The following RIF1 variants were observed in gnomAD, a reference collection of about 807,000 sequenced individuals.
The protein encoded by RIF1 is replication timing regulatory factor 1.
RIF1 carries 45 observed loss-of-function variants against 247.1 expected under a neutral mutation model. That is an observed-to-expected ratio of 0.18 (90% CI 0.14 to 0.23). The LOEUF (loss-of-function observed/expected upper bound fraction) is 0.23, where lower values mean the gene tolerates loss of function less well. RIF1 is among the 10% of genes least tolerant of loss of function. The pLI, the probability that RIF1 is intolerant of heterozygous loss-of-function variation, is 1.00. For missense variants in RIF1, 2,967 were observed against 2,862.5 expected, an observed-to-expected ratio of 1.04 and a Z score of -0.83; for synonymous variants, 1,087 against 978.8, an observed-to-expected ratio of 1.11 and a Z score of -2.06.
At chr2:151,508,140 T>TAAAC (rs759205280), downstream of RIF1, 44 of 1,490,578 alleles carry the variant, frequency 3.0e-5, no homozygotes, top group East Asian at 9.3e-4. Context: ...ATAAGGAGGG[T>TAAAC]AAACACCACA....
At chr2:151,497,177 C>T (rs889090095) in intron 10 of RIF1, 15 of 1,267,756 alleles carry the variant, frequency 1.2e-5, no homozygotes, top group Non-Finnish European at 1.6e-5. Flanking sequence ...AAAATGCCAC[C>T]GACTACTTTA....
At chr2:151,421,421 CCTG>C (rs1467977206) in intron 7 of RIF1, among the ~76,000 whole-genome samples, 1 of 152,132 alleles carries the variant, frequency 6.6e-6, no homozygotes, top group Non-Finnish European at 1.5e-5. Context: ...TGGTTGTGTA[CCTG>C]GTTGGTGTTC....
chr2:151,489,130 C>G (rs867604768), intron 9 of RIF1, among the ~76,000 whole-genome samples: 1 of 152,136 alleles, frequency 6.6e-6, no homozygotes, highest in Non-Finnish European at 1.5e-5. Flanking sequence ...TTACAGTATT[C>G]CCTTCCTTAA....
chr2:151,509,165 C>T (rs2071852986), downstream of RIF1, among the ~76,000 whole-genome samples: 3 of 152,142 alleles, frequency 2.0e-5, no homozygotes, highest in African/African-American at 7.2e-5. Context: ...AGACAACAAA[C>T]AAGCAGTTTC....
At chr2:151,497,759 A>ACATTT (rs1559220426) in intron 10 of RIF1, 2 of 1,552,346 alleles carry the variant, frequency 1.3e-6, no homozygotes, top group East Asian at 4.8e-5. Context: ...ACCATGAGTA[A>ACATTT]CATTTCATTT....
chr2:151,444,418 T>C (rs983580527), intron 18 of RIF1, among the ~76,000 whole-genome samples: 5 of 152,194 alleles, frequency 3.3e-5, no homozygotes, highest in African/African-American at 1.2e-4. Context: ...GAAGCGATTC[T>C]CCTGTTTCAG....
At position 151,493,454 on chromosome 2, in the gene RIF1, G is replaced by A. The variant is rs765830534; in HGVS notation, c.*416-1775G>A. 1.3e-6 allele frequency: 2 copies of A among 1,549,290 alleles called. No individual in the cohort carries two copies. Among genetic ancestry groups the A allele is most frequent in the Admixed American group, 2.0e-5 (1 of 51,054 alleles). Reference sequence around the variant, plus strand: ...TTCTCTTTGTACAATACCTAGGGAAGCCAAAAGAGCATCTAGGCATCAGAC... The same window carrying A: ...TTCTCTTTGTACAATACCTAGGGAAACCAAAAGAGCATCTAGGCATCAGAC... On this transcript the variant is annotated intron_variant and NMD_transcript_variant, in intron 9 of 13. Transcript: ENST00000454583.
chr2:151,527,528 G>A, the RIF1 span: 3 of 1,613,420 alleles, frequency 1.9e-6, no homozygotes, highest in African/African-American at 1.3e-5. Context: ...AAGTCCGGTC[G>A]GTCAGGAGTC....
chr2:151,440,482 A>G (rs191774471), intron 15 of RIF1, among the ~76,000 whole-genome samples: 3 of 152,184 alleles, frequency 2.0e-5, no homozygotes, highest in African/African-American at 7.2e-5. Context: ...TTTGTTTTCA[A>G]TTAACTGTTT....
At chr2:151,516,646 A>G in the RIF1 span, 1 of 891,102 alleles carries the variant, frequency 1.1e-6, no homozygotes, top group South Asian at 1.4e-5. Context: ...TTTAATTGAT[A>G]TGTTCTGTCA....
At chr2:151,436,204 C>T (rs537724575) in intron 11 of RIF1, among the ~76,000 whole-genome samples, 16 of 151,804 alleles carry the variant, frequency 1.1e-4, no homozygotes, top group African/African-American at 3.1e-4. Context: ...CCAGCCTGGG[C>T]GACAGAGTGA....
chr2:151,433,166 C>T lies in RIF1; in HGVS notation c.1015C>T (p.Leu339=). ...AACAGAAACTCTAGCATTAACAAAA[C>T]TAGAAGTCTGGTGGTATTTACTGAT... The part of the protein sequence containing the change: ...VRTETLALTK[L]EVWWYLLMRL... The change falls in exon 10 of 36, where the codon CTA becomes TTA. Residue 339 remains leucine, a synonymous_variant. Transcript: ENST00000444746. The T allele has an allele frequency of 1.2e-6, 2 of 1,613,440 alleles. No homozygotes were observed. The highest frequency in any genetic ancestry group is 3.3e-4 in the Middle Eastern group (2 of 6,058).
chr2:151,446,927 T>A (rs956632367), intron 20 of RIF1, among the ~76,000 whole-genome samples: 2 of 149,278 alleles, frequency 1.3e-5, no homozygotes, highest in African/African-American at 4.9e-5. Flanking sequence ...TTAGAAAATA[T>A]AAGTCTCTTT....
At chr2:151,453,683 G>A (rs1472618154) in intron 21 of RIF1, among the ~76,000 whole-genome samples, 1 of 151,530 alleles carries the variant, frequency 6.6e-6, no homozygotes, top group Non-Finnish European at 1.5e-5. Context: ...ATTCATTACT[G>A]GAGTACCACA....
At chr2:151,514,225 T>C in the RIF1 span, 42 of 825,158 alleles carry the variant, frequency 5.1e-5, no homozygotes, top group Non-Finnish European at 8.6e-5. Context: ...TTTTCTCTGT[T>C]CTCTGTTTTT....
chr2:151,498,459 G>A (rs2152995514), intron 10 of RIF1: 2 of 724,542 alleles, frequency 2.8e-6, no homozygotes, highest in South Asian at 2.1e-5. Flanking sequence ...TAAGTTAGAG[G>A]AAGAGAAATA....
chr2:151,436,859 C>T lies in RIF1; in HGVS notation c.1228C>T (p.Pro410Ser). Residue 410 changes from proline (P) to serine (S), a missense_variant, in exon 12 of 36, where the codon CCC (proline) becomes TCC (serine). By Grantham distance (74) the Pro-to-Ser change is moderately conservative (BLOSUM62 -1). Transcript: ENST00000444746. ...CTCCCCGTACGGAGCCCCGGGAACT[C>T]CCCGAATGAACCTGAGTTCGAATTT... is the stretch of plus-strand genomic sequence containing the variant. ...ASSPYGAPGT[P>S]RMNLSSNLGG... 6.2e-7 allele frequency: 1 copy of T among 1,611,404 alleles called. No homozygotes were observed. The highest frequency in any genetic ancestry group is 1.7e-4 in the Middle Eastern group (1 of 6,048).
At chr2:151,430,771 GCC>G (rs35400025) in intron 9 of RIF1, among the ~76,000 whole-genome samples, 3 of 150,308 alleles carry the variant, frequency 2.0e-5, no homozygotes, top group Non-Finnish European at 4.4e-5. Flanking sequence ...TCCCACCTCA[GCC>G]CCCCCAAGTA....
At chr2:151,526,817 G>A in the RIF1 span, 3 of 879,672 alleles carry the variant, frequency 3.4e-6, no homozygotes, top group African/African-American at 5.0e-5. Flanking sequence ...AGCCCTGATG[G>A]AAGCAGCTCT....
Sources: allele counts gnomAD v4.1 joint callset (sites outside exome capture counted in the v4.1 genomes callset), GRCh38; gene constraint gnomAD v4.1.1; transcripts MANE v1.5; gene names NCBI Gene and HGNC (gene_info 2026-07-23, HGNC 2026-07-21).